TMEM178B: variants seen among roughly 807,000 people sequenced by gnomAD.
TMEM178B encodes the protein transmembrane protein 178B.
In TMEM178B, 5 loss-of-function variants were observed where a neutral mutation model predicts 31.0. The ratio of observed to expected loss-of-function variants is 0.16; its 90% CI spans 0.08 to 0.34. The LOEUF (loss-of-function observed/expected upper bound fraction) is 0.34. Ranked by LOEUF, TMEM178B falls within the 10% of genes least tolerant of loss-of-function variation. The pLI is 1.00. For missense variants in TMEM178B, 275 were observed against 400.3 expected (o/e 0.69, Z 2.67); for synonymous variants, 164 against 164.0 (o/e 1.00, Z 0.00).
At chr7:141,388,665 A>G (rs1190221409) in intron 2 of TMEM178B, among the ~76,000 whole-genome samples, 2 of 151,994 alleles carry the variant, frequency 1.3e-5, no homozygotes. Context: ...GGTTGGCATT[A>G]ATTTTTTCCC....
the TMEM178B span, among the ~76,000 whole-genome samples, chr7:141,486,802 C>T: frequency 6.6e-6 from 1 of 152,020 alleles, no homozygotes; most frequent in African/African-American, 2.4e-5. Context: ...CTGACAGTGT[C>T]ATGTGGGGTA....
intron 2 of TMEM178B, among the ~76,000 whole-genome samples, chr7:141,336,052 T>C (rs1251406753): frequency 6.6e-6 from 1 of 152,200 alleles, no homozygotes; most frequent in Admixed American, 6.5e-5. Context: ...TTTGACAGTC[T>C]TTTCAACTGA....
chr7:141,247,201 C>G (rs1797749825), intron 2 of TMEM178B, among the ~76,000 whole-genome samples: 1 of 105,748 alleles, frequency 9.5e-6, no homozygotes, highest in South Asian at 3.8e-4. Flanking sequence ...ATAGGTTTCT[C>G]TCTACACACA....
intron 2 of TMEM178B, among the ~76,000 whole-genome samples, chr7:141,364,659 CA>C (rs980786132): frequency 0.069 from 3,290 of 47,646 alleles, 58 homozygotes; most frequent in African/African-American, 0.21. Flanking sequence ...GACTCTGTCT[CA>C]AAAAAAAAAA....
intron 2 of TMEM178B, among the ~76,000 whole-genome samples, chr7:141,339,235 C>G (rs1799475621): frequency 6.6e-6 from 1 of 152,190 alleles, no homozygotes; most frequent in African/African-American, 2.4e-5. Context: ...GGGATGGTGT[C>G]TGCAGGTGGG....
At chr7:141,483,927 G>C (rs887441887), downstream of TMEM178B, among the ~76,000 whole-genome samples, 3 of 151,968 alleles carry the variant, frequency 2.0e-5, no homozygotes, top group Admixed American at 6.5e-5. Context: ...GTAGAAACAG[G>C]GTTTTACCAC....
intron 1 of TMEM178B, among the ~76,000 whole-genome samples, chr7:141,163,455 A>G (rs910548594): frequency 2.0e-5 from 3 of 152,130 alleles, no homozygotes; most frequent in Non-Finnish European, 4.4e-5. Flanking sequence ...AGGGTGAAGA[A>G]TTGGGATCAT....
At chr7:141,299,611 A>T (rs1360587959) in intron 2 of TMEM178B, among the ~76,000 whole-genome samples, 1 of 152,008 alleles carries the variant, frequency 6.6e-6, no homozygotes, top group Non-Finnish European at 1.5e-5. Context: ...TCTAAGCGGG[A>T]TAGGAAAACC....
In TMEM178B at chr7:141,286,677, G is replaced by A. The variant is rs537936279; in HGVS notation, c.496+73973G>A. ...GAGGACCCTAAGTCTTCCCAAAGCA[G>A]TGCCCTGGACAGACTGCATAGAGGA... On this transcript the variant is annotated intron_variant, in intron 2 of 3. Transcript: ENST00000565468. 5.6e-4 allele frequency among the ~76,000 whole-genome samples: 85 copies of A among 152,274 alleles called. 2 individuals carry two copies. In the South Asian group the frequency reaches 0.017, roughly 30 times the overall value.
chr7:141,319,444 T>C (rs1278568019), intron 2 of TMEM178B, among the ~76,000 whole-genome samples: 1 of 152,212 alleles, frequency 6.6e-6, no homozygotes, highest in Non-Finnish European at 1.5e-5. Flanking sequence ...TGGGGGGAGT[T>C]TAGGCATTTT....
chr7:141,201,748 T>C (rs1432434497), intron 1 of TMEM178B, among the ~76,000 whole-genome samples: 1 of 152,186 alleles, frequency 6.6e-6, no homozygotes, highest in African/African-American at 2.4e-5. Context: ...CTGTGCTCTG[T>C]GTTACTGAGG....
At chr7:141,145,675 C>G (rs1373348611) in intron 1 of TMEM178B, among the ~76,000 whole-genome samples, 2 of 152,178 alleles carry the variant, frequency 1.3e-5, no homozygotes, top group African/African-American at 4.8e-5. Context: ...GTTCAGGGCC[C>G]CTTCCTGGGA....
At chr7:141,299,912 G>A (rs1228797760) in intron 2 of TMEM178B, among the ~76,000 whole-genome samples, 2 of 152,076 alleles carry the variant, frequency 1.3e-5, no homozygotes, top group East Asian at 1.9e-4. Flanking sequence ...AGCTTCCCGA[G>A]TAGCTGGGAC....
At chr7:141,394,548 C>T (rs1800602621) in intron 2 of TMEM178B, among the ~76,000 whole-genome samples, 2 of 152,186 alleles carry the variant, frequency 1.3e-5, no homozygotes, top group African/African-American at 4.8e-5. Context: ...TAGTAAGTTA[C>T]ATTATAAAAT....
At chr7:141,085,593 C>T (rs950411172) in intron 1 of TMEM178B, among the ~76,000 whole-genome samples, 3 of 152,194 alleles carry the variant, frequency 2.0e-5, no homozygotes, top group Non-Finnish European at 4.4e-5. Context: ...TATTCTGGAG[C>T]TCACTCTGTT....
rs560181786 is a variant in TMEM178B, at chr7:141,357,703, A to G, written c.497-79905A>G. 2.0e-4 allele frequency among the ~76,000 whole-genome samples: 30 copies of G among 152,376 alleles called. No individual in the cohort carries two copies. The East Asian group carries it at 5.4e-3, about 27-fold the overall frequency. On this transcript the variant is annotated intron_variant, in intron 2 of 3. Transcript: ENST00000565468. The stretch of plus-strand genomic sequence containing the variant: ...ACTACTTCGAATTTATGGAATTAGT[A>G]TATCTGCCATCAGCCCTTGTTACTT...
the TMEM178B span, among the ~76,000 whole-genome samples, chr7:141,505,711 T>G: frequency 1.3e-5 from 2 of 152,248 alleles, no homozygotes. Context: ...AACTACTTGC[T>G]AGCTGCTATT....
intron 2 of TMEM178B, among the ~76,000 whole-genome samples, chr7:141,397,216 C>T (rs1800673638): frequency 6.6e-6 from 1 of 152,178 alleles, no homozygotes; most frequent in African/African-American, 2.4e-5. Context: ...TTCTTTCCCC[C>T]AGAAATGGTA....
rs540682326 is a variant in TMEM178B at position 141,270,514 on chromosome 7, A to T, written c.496+57810A>T. On this transcript the variant is annotated intron_variant, in intron 2 of 3. Coordinates refer to ENST00000565468, the MANE Select transcript of TMEM178B (RefSeq NM_001195278.2). Reference sequence around the variant, plus strand: ...TAAGTGTATTCAGCCACCTTTTAACATTATTTCTGGTTGTGAAATGTGTTC... The same window carrying T: ...TAAGTGTATTCAGCCACCTTTTAACTTTATTTCTGGTTGTGAAATGTGTTC... 2.0e-5 allele frequency among the ~76,000 whole-genome samples: 3 copies of T among 152,280 alleles called. No individual in the cohort carries two copies. The East Asian group carries it at 5.8e-4, about 29-fold the overall frequency.
Sources: allele counts gnomAD v4.1 joint callset (sites outside exome capture counted in the v4.1 genomes callset), GRCh38; gene constraint gnomAD v4.1.1; transcripts MANE v1.5; gene names NCBI Gene and HGNC (gene_info 2026-07-23, HGNC 2026-07-21).